The following PALLD variants were observed in gnomAD, a reference collection of about 807,000 sequenced individuals.
The protein encoded by PALLD is palladin, cytoskeletal associated protein.
Under a neutral mutation model 123.5 loss-of-function variants are expected in PALLD, and 61 were observed. That is an observed-to-expected ratio of 0.49 (90% confidence interval 0.40 to 0.61). The LOEUF (loss-of-function observed/expected upper bound fraction) is 0.61, where lower values mean the gene tolerates loss of function less well. PALLD is among the 20% of genes least tolerant of loss of function. The pLI is 0.00. For missense variants in PALLD, 1,273 were observed against 1,377.0 expected (o/e 0.92, Z 1.20); for synonymous variants, 465 against 496.4 (o/e 0.94, Z 0.84).
chr4:168,907,819 A>G (rs1758123070), intron 15 of PALLD, among the ~76,000 whole-genome samples: 1 of 151,388 alleles, frequency 6.6e-6, no homozygotes, highest in South Asian at 2.1e-4. Context: ...TAAAATAACT[A>G]CTCTGGGTCT....
chr4:168,604,639 T>C (rs1435365753), intron 2 of PALLD, among the ~76,000 whole-genome samples: 2 of 152,212 alleles, frequency 1.3e-5, no homozygotes, highest in Admixed American at 1.3e-4. Flanking sequence ...TAATAGTGCA[T>C]GGGATTTAAT....
chr4:168,682,936 A>C (rs1580942700), intron 4 of PALLD, 62 bp from the exon 5 acceptor site: 2 of 1,009,888 alleles, frequency 2.0e-6, no homozygotes, highest in African/African-American at 1.6e-5. Context: ...TGCTAAAAAA[A>C]AAAAACAAAA....
At chr4:168,747,793 C>T (rs764389337) in intron 10 of PALLD, among the ~76,000 whole-genome samples, 10 of 152,118 alleles carry the variant, frequency 6.6e-5, no homozygotes, top group Non-Finnish European at 1.3e-4. Flanking sequence ...TAACATCTTG[C>T]GGCTGAGATA....
chr4:168,740,330 T>C (rs552260296), intron 10 of PALLD, among the ~76,000 whole-genome samples: 1 of 152,344 alleles, frequency 6.6e-6, no homozygotes, highest in South Asian at 2.1e-4. Flanking sequence ...CTTCTTCTCT[T>C]CAGTGTCATC....
At chr4:168,820,699 A>G (rs1159465388) in intron 10 of PALLD, among the ~76,000 whole-genome samples, 4 of 152,060 alleles carry the variant, frequency 2.6e-5, no homozygotes, top group African/African-American at 9.7e-5. Flanking sequence ...CAAGCAGATG[A>G]CAATTCTCTT....
intron 10 of PALLD, among the ~76,000 whole-genome samples, chr4:168,849,408 G>A (rs1747406772): frequency 6.6e-6 from 1 of 152,218 alleles, no homozygotes; most frequent in African/African-American, 2.4e-5. Flanking sequence ...GTGATTTCTA[G>A]AATGCTCTGG....
In PALLD at chr4:168,812,528, A is replaced by G. The variant is rs540388122; in HGVS notation, c.1965-78394A>G. 8.5e-5 allele frequency among the ~76,000 whole-genome samples: 13 copies of G among 152,332 alleles called. 1 individual carries two copies. The South Asian group carries it at 2.7e-3, about 32-fold the overall frequency. The stretch of plus-strand genomic sequence containing the variant: ...TTAGCAAAGAAGCCTCCAGGATGGC[A>G]ATCTGAGTCATGGCCAGATGTCAGG... On this transcript the variant is annotated intron_variant, in intron 10 of 21. Transcript: ENST00000505667.
At chr4:168,597,476 C>T (rs1772111722) in intron 2 of PALLD, among the ~76,000 whole-genome samples, 1 of 152,002 alleles carries the variant, frequency 6.6e-6, no homozygotes, top group East Asian at 1.9e-4. Context: ...ACAAACATTG[C>T]AAAATCTAGA....
intron 1 of PALLD, among the ~76,000 whole-genome samples, chr4:168,509,919 C>T (rs1413622020): frequency 1.3e-5 from 2 of 152,114 alleles, no homozygotes; most frequent in African/African-American, 4.8e-5. Flanking sequence ...ACAACCCCCT[C>T]GACTCTTGCA....
At chr4:168,839,833 T>C (rs1346524494) in intron 10 of PALLD, among the ~76,000 whole-genome samples, 1 of 152,122 alleles carries the variant, frequency 6.6e-6, no homozygotes, top group African/African-American at 2.4e-5. Context: ...TGGGAGAGGA[T>C]GAGTTTGCCC....
chr4:168,617,572 A>G (rs970180981), intron 2 of PALLD, among the ~76,000 whole-genome samples: 26 of 152,270 alleles, frequency 1.7e-4, no homozygotes, highest in African/African-American at 6.0e-4. Flanking sequence ...AAGAGAGTAT[A>G]ATGAGGGGAT....
intron 2 of PALLD, among the ~76,000 whole-genome samples, chr4:168,602,806 C>T (rs1296423917): frequency 1.3e-5 from 2 of 152,134 alleles, no homozygotes; most frequent in African/African-American, 4.8e-5. Flanking sequence ...CACTCTGTCA[C>T]TCAGGCTGGA....
intron 10 of PALLD, among the ~76,000 whole-genome samples, chr4:168,713,991 T>G (rs1006101659): frequency 7.3e-6 from 1 of 136,810 alleles, no homozygotes. Flanking sequence ...TGTTTAAACA[T>G]ATTCTTAGGG....
intron 2 of PALLD, among the ~76,000 whole-genome samples, chr4:168,592,614 C>T (rs977074753): frequency 4.6e-5 from 7 of 152,068 alleles, no homozygotes; most frequent in Non-Finnish European, 1.0e-4. Flanking sequence ...ATGGAGATCA[C>T]CAAGTTGCAG....
Position 168,844,710 on chromosome 4 carries a change from G to A in PALLD, c.1965-46212G>A, listed in dbSNP as rs1430295065. ...CTTCCCTGCCAACTTCCTAATAAAG[G>A]GTGAACTCCAAATATTAAAAAGTTA... On this transcript the variant is annotated intron_variant, in intron 10 of 21. Transcript: ENST00000505667. This position sits in a 1 kb window ranked among gnomAD's most constrained non-coding sequence, Gnocchi z 4.5. 6.6e-6 allele frequency: 1 copy of A among 152,092 alleles called. No homozygotes were observed. Among genetic ancestry groups the A allele is most frequent in the Non-Finnish European group, 1.5e-5 (1 of 68,012 alleles). 9.4% of individuals were successfully genotyped at this position (152,092 alleles called of 1,614,324 possible).
intron 6 of PALLD, 62 bp from the exon 7 acceptor site, chr4:168,690,541 G>A (rs1782521208): frequency 6.2e-7 from 1 of 1,601,284 alleles, no homozygotes; most frequent in Non-Finnish European, 8.6e-7. Context: ...TCTGTGTTGT[G>A]AAATTGCTTA....
intron 10 of PALLD, among the ~76,000 whole-genome samples, chr4:168,795,765 T>C (rs1285678306): frequency 5.3e-5 from 8 of 151,724 alleles, no homozygotes; most frequent in African/African-American, 1.9e-4. Context: ...TGGGGTGCAG[T>C]TGTGTGATTA....
intron 10 of PALLD, among the ~76,000 whole-genome samples, chr4:168,846,714 G>A (rs1213890095): frequency 1.3e-5 from 2 of 152,142 alleles, no homozygotes; most frequent in Non-Finnish European, 2.9e-5. Context: ...CTAACTGCAG[G>A]CTTCTTCCGA....
Position 168,511,650 on chromosome 4 carries a change from C to T in PALLD, c.146C>T (p.Ala49Val), listed in dbSNP as rs1356106356. The change falls in exon 2 of 22, where the codon GCC (alanine) becomes GTC (valine). Residue 49 changes from alanine (A) to valine (V), a missense_variant. Transcript: ENST00000505667. Reference protein sequence around the residue: ...INKSLDLARRAIADSETEDFD... With the variant: ...INKSLDLARRVIADSETEDFD... ...AAGAGTCTTGACCTGGCCCGGAGAG[C>T]CATAGCCGACTCCGAAACAGAAGAT... The T allele has an allele frequency of 4.3e-6, 7 of 1,614,038 alleles. No homozygotes were observed. The Admixed American group carries it at 1.2e-4, about 27-fold the overall frequency.
Sources: gnomAD v4.1 joint callset for allele counts (sites outside exome capture counted in the v4.1 genomes callset) on GRCh38, gnomAD v4.1.1 for gene constraint, Gnocchi (gnomAD v3.1) non-coding constraint, MANE v1.5 for transcripts, NCBI Gene and HGNC (gene_info 2026-07-23, HGNC 2026-07-21) for gene names.